RANBP2: variants seen among roughly 807,000 people sequenced by gnomAD.
RANBP2 encodes the protein E3 SUMO-protein ligase RanBP2.
A neutral mutation model predicts 303.6 loss-of-function variants in RANBP2; 57 were observed. The ratio of observed to expected loss-of-function variants is 0.19; its 90% CI spans 0.15 to 0.23. The LOEUF is 0.23. Ranked by LOEUF, RANBP2 falls within the 10% of genes least tolerant of loss-of-function variation. The pLI is 1.00. For missense variants in RANBP2, 3,138 were observed against 3,780.8 expected (o/e 0.83, Z 4.46); for synonymous variants, 1,167 against 1,301.5 (o/e 0.90, Z 2.23).
the RANBP2 span, chr2:109,251,702 T>C: frequency 1.2e-5 from 11 of 886,084 alleles, no homozygotes; most frequent in African/African-American, 3.3e-5. Flanking sequence ...GGTTCTATTT[T>C]ACTATGATGT....
the RANBP2 span, among the ~76,000 whole-genome samples, chr2:109,155,145 A>T: frequency 1.3e-5 from 2 of 152,150 alleles, no homozygotes; most frequent in Non-Finnish European, 2.9e-5. Context: ...TGCTATGCTG[A>T]TGTTCGGTGG....
At chr2:109,490,665 C>T in the RANBP2 span, 20 of 1,515,244 alleles carry the variant, frequency 1.3e-5, no homozygotes, top group South Asian at 1.2e-4. Context: ...GAAGAAGTCA[C>T]GCTCCCCGCC....
chr2:108,782,708 C>T lies in RANBP2; in HGVS notation c.9215C>T (p.Ala3072Val), dbSNP rs368398572. Residue 3072 changes from alanine to valine, a missense_variant, in exon 28 of 29, where the codon GCG (alanine) becomes GTG (valine). Transcript: ENST00000283195. ...CCTGTGGTGTTTTTTGATGTTTGTG[C>T]GGACGGTGAACCTCTAGGGCGGATA... ...TNPVVFFDVC[A>V]DGEPLGRITM... 124 of 1,614,022 alleles carry T rather than the reference C, an allele frequency of 7.7e-5. 1 individual carries two copies. The highest frequency in any genetic ancestry group is 1.0e-4 in the Non-Finnish European group (123 of 1,180,022).
At chr2:109,626,781 G>T in the RANBP2 span, among the ~76,000 whole-genome samples, 2 of 152,220 alleles carry the variant, frequency 1.3e-5, no homozygotes, top group Non-Finnish European at 2.9e-5. Context: ...TGCAGATGAG[G>T]AAGGTAAAAG....
chr2:108,765,741 A>T lies in RANBP2; in HGVS notation c.5202A>T (p.Leu1734Phe). 7 of 1,614,116 alleles carry T rather than the reference A, an allele frequency of 4.3e-6. No individual in the cohort carries two copies. Among genetic ancestry groups the T allele is most frequent in the Non-Finnish European group, 5.1e-6 (6 of 1,179,986 alleles). Residue 1734 changes from leucine (L) to phenylalanine (F), a missense_variant, in exon 20 of 29, where the codon TTA becomes TTT. Leu to Phe is a conservative substitution (Grantham distance 22). Around this residue, in one of 20 missense-constraint regions of RANBP2, gnomAD observed 348 missense variants for 360.4 expected, o/e 0.97. Transcript: ENST00000283195. ...GACAGTGGGATTGCAGTGTGTGCTT[A>T]GTAAGAAATGAAGCCAGTGCTACCA... Reference protein sequence around the residue: ...KEGQWDCSVCLVRNEASATKC... With the variant: ...KEGQWDCSVCFVRNEASATKC...
the RANBP2 span, among the ~76,000 whole-genome samples, chr2:109,727,050 T>G: frequency 6.6e-6 from 1 of 152,216 alleles, no homozygotes; most frequent in East Asian, 1.9e-4. Flanking sequence ...TCAGGCACCA[T>G]GTACTGCCCT....
chr2:109,489,724 A>G, the RANBP2 span, among the ~76,000 whole-genome samples: 1 of 120,712 alleles, frequency 8.3e-6, no homozygotes, highest in South Asian at 2.8e-4. Flanking sequence ...CAAGTGTCGG[A>G]CAAGGTTTTT....
chr2:109,002,620 A>G, the RANBP2 span, among the ~76,000 whole-genome samples: 5 of 152,228 alleles, frequency 3.3e-5, no homozygotes, highest in South Asian at 1.0e-3. Flanking sequence ...ACATGGACCT[A>G]GGTTCCCTCT....
the RANBP2 span, among the ~76,000 whole-genome samples, chr2:108,982,526 T>G: frequency 2.0e-5 from 3 of 152,248 alleles, no homozygotes; most frequent in Admixed American, 6.5e-5. Context: ...TTTTGCAATC[T>G]TCACAAAATA....
At chr2:109,566,280 C>A in the RANBP2 span, among the ~76,000 whole-genome samples, 1 of 151,942 alleles carries the variant, frequency 6.6e-6, no homozygotes, top group Non-Finnish European at 1.5e-5. Flanking sequence ...ACCACAACAT[C>A]CAGCTAATTT....
At chr2:109,317,621 G>T in the RANBP2 span, among the ~76,000 whole-genome samples, 1 of 152,172 alleles carries the variant, frequency 6.6e-6, no homozygotes, top group Non-Finnish European at 1.5e-5. Context: ...TCTGTGACTT[G>T]CTGGGCCTGG....
the RANBP2 span, among the ~76,000 whole-genome samples, chr2:108,924,187 C>T: frequency 6.6e-6 from 1 of 152,192 alleles, no homozygotes; most frequent in Non-Finnish European, 1.5e-5. Flanking sequence ...AGTGATGTTC[C>T]ATTATGTCTT....
the RANBP2 span, among the ~76,000 whole-genome samples, chr2:109,008,853 C>T: frequency 6.7e-6 from 1 of 149,602 alleles, no homozygotes; most frequent in South Asian, 2.1e-4. Context: ...GAGCCAAGAT[C>T]GCACCACTGC....
At chr2:108,788,615 G>A (rs1679354185), downstream of RANBP2, among the ~76,000 whole-genome samples, 1 of 145,856 alleles carries the variant, frequency 6.9e-6, no homozygotes, top group South Asian at 2.2e-4. Context: ...GGCTACTCAG[G>A]AGGCTGAGGC....
At chr2:108,975,419 C>A in the RANBP2 span, among the ~76,000 whole-genome samples, 1 of 152,146 alleles carries the variant, frequency 6.6e-6, no homozygotes, top group African/African-American at 2.4e-5. Context: ...GAGCATGGGC[C>A]GGCGAGACAT....
At chr2:108,733,544 C>CT (rs1695344506) in intron 4 of RANBP2, among the ~76,000 whole-genome samples, 1 of 152,150 alleles carries the variant, frequency 6.6e-6, no homozygotes, top group Non-Finnish European at 1.5e-5. Context: ...ATTGAAGATG[C>CT]TTCCAAAGAT....
At chr2:109,164,114 T>A in the RANBP2 span, among the ~76,000 whole-genome samples, 86 of 152,288 alleles carry the variant, frequency 5.6e-4, no homozygotes, top group African/African-American at 2.0e-3. Context: ...TTCTCTTGTG[T>A]CTGTTAAATC....
At chr2:109,179,001 TAATGTGTG>T in the RANBP2 span, among the ~76,000 whole-genome samples, 3 of 65,360 alleles carry the variant, frequency 4.6e-5, no homozygotes, top group Admixed American at 1.8e-4. Flanking sequence ...TAAAGTATAA[TAATGTGTG>T]TGTGTGTGTG....
the RANBP2 span, among the ~76,000 whole-genome samples, chr2:109,248,882 G>C: frequency 3.5e-5 from 2 of 57,452 alleles, no homozygotes; most frequent in Non-Finnish European, 7.0e-5. Context: ...TTCCTTTCCT[G>C]TCCTTTCCTG....
Sources: gnomAD v4.1 joint callset for allele counts (sites outside exome capture counted in the v4.1 genomes callset) on GRCh38, gnomAD v4.1.1 for gene constraint, gnomAD v4.1.1 regional missense constraint, MANE v1.5 for transcripts, NCBI Gene and HGNC (gene_info 2026-07-23, HGNC 2026-07-21) for gene names.